GPHN: variants seen among roughly 807,000 people sequenced by gnomAD.
GPHN encodes gephyrin.
GPHN carries 17 observed loss-of-function variants against 95.5 expected under a neutral mutation model. The ratio of observed to expected loss-of-function variants is 0.18; its 90% CI spans 0.12 to 0.27. The LOEUF is 0.27. Among genes scored for constraint, GPHN ranks in the 10% least tolerant of loss-of-function variants. The probability of loss-of-function intolerance (pLI) is 1.00; values close to 1 mark genes in which losing one functional copy is unlikely to be tolerated. For synonymous variants in GPHN, 320 were observed against 322.5 expected (o/e 0.99, Z 0.08); for missense variants, 660 against 978.1 (o/e 0.67, Z 4.34).
At chr14:67,007,983 G>C (rs1233408474) in intron 9 of GPHN, among the ~76,000 whole-genome samples, 1 of 152,146 alleles carries the variant, frequency 6.6e-6, no homozygotes, top group East Asian at 1.9e-4. Flanking sequence ...CCCATTGTAA[G>C]TAGTTGCAGA....
chr14:66,548,132 C>T (rs892038010), intron 1 of GPHN, among the ~76,000 whole-genome samples: 1 of 147,910 alleles, frequency 6.8e-6, no homozygotes, highest in African/African-American at 2.5e-5. Flanking sequence ...ATTATCATAT[C>T]TGTTATGGTG....
At chr14:67,049,806 C>G (rs60003073) in intron 10 of GPHN, among the ~76,000 whole-genome samples, 2 of 152,262 alleles carry the variant, frequency 1.3e-5, no homozygotes, top group East Asian at 3.9e-4. Context: ...CCACCGCGCC[C>G]GGCTGAAGTA....
intron 11 of GPHN, among the ~76,000 whole-genome samples, chr14:67,087,913 A>G (rs118054806): frequency 0.012 from 1,835 of 151,982 alleles, 18 homozygotes; most frequent in Non-Finnish European, 0.018. Flanking sequence ...CTTTTTTTAA[A>G]TTAGCAATAA....
chr14:67,432,560 A>C, the GPHN span, among the ~76,000 whole-genome samples: 2 of 152,204 alleles, frequency 1.3e-5, no homozygotes, highest in Non-Finnish European at 2.9e-5. Flanking sequence ...CGTACCTTTA[A>C]AAGTCAGCAG....
At chr14:67,008,067 A>G (rs892950420) in intron 9 of GPHN, among the ~76,000 whole-genome samples, 2 of 152,196 alleles carry the variant, frequency 1.3e-5, no homozygotes, top group Non-Finnish European at 2.9e-5. Context: ...AGAGGGAATC[A>G]TACTATGTCA....
chr14:66,746,731 A>G (rs867651215), intron 2 of GPHN, among the ~76,000 whole-genome samples: 1 of 151,900 alleles, frequency 6.6e-6, no homozygotes, highest in African/African-American at 2.4e-5. Context: ...CGACATCCTC[A>G]CACCATTTAG....
At chr14:66,882,806 A>G (rs977224216) in intron 5 of GPHN, among the ~76,000 whole-genome samples, 4 of 151,008 alleles carry the variant, frequency 2.6e-5, no homozygotes. Flanking sequence ...CCTGAAGGAT[A>G]TTTTCACTAG....
intron 2 of GPHN, among the ~76,000 whole-genome samples, chr14:66,742,030 C>T (rs1448978928): frequency 6.6e-6 from 1 of 152,172 alleles, no homozygotes; most frequent in Admixed American, 6.5e-5. Context: ...CCAAGGGATA[C>T]ATGTCAAACG....
At chr14:66,613,137 T>G (rs2062854211) in intron 1 of GPHN, among the ~76,000 whole-genome samples, 1 of 152,100 alleles carries the variant, frequency 6.6e-6, no homozygotes, top group Non-Finnish European at 1.5e-5. Context: ...TAGGGTTAGG[T>G]TCTTGTGATC....
intron 9 of GPHN, among the ~76,000 whole-genome samples, chr14:67,000,045 G>A (rs1407246664): frequency 6.6e-6 from 1 of 151,746 alleles, no homozygotes; most frequent in Non-Finnish European, 1.5e-5. Context: ...ATTTCCTGTT[G>A]ACTAGACAGG....
At chr14:67,205,972 T>C in the GPHN span, among the ~76,000 whole-genome samples, 1 of 152,084 alleles carries the variant, frequency 6.6e-6, no homozygotes, top group Non-Finnish European at 1.5e-5. Flanking sequence ...TTGCTTGAGC[T>C]TGGGAGTTCG....
chr14:66,945,351 C>T (rs747212426), intron 8 of GPHN, among the ~76,000 whole-genome samples: 1 of 152,220 alleles, frequency 6.6e-6, no homozygotes, highest in Non-Finnish European at 1.5e-5. Flanking sequence ...CCACCCCATC[C>T]TCCCAGTGTG....
chr14:67,303,473 G>T, the GPHN span: 2 of 1,406,840 alleles, frequency 1.4e-6, no homozygotes, highest in South Asian at 2.3e-5. Context: ...ATCATGGAAT[G>T]ATTTTCATAA....
intron 17 of GPHN, among the ~76,000 whole-genome samples, chr14:67,126,284 A>G (rs2079310273): frequency 6.6e-6 from 1 of 152,212 alleles, no homozygotes; most frequent in South Asian, 2.1e-4. Flanking sequence ...TTAGTGGCAG[A>G]GATAAAAATG....
chr14:66,600,032 A>G (rs2140823212), intron 1 of GPHN, among the ~76,000 whole-genome samples: 1 of 152,190 alleles, frequency 6.6e-6, no homozygotes, highest in South Asian at 2.1e-4. Flanking sequence ...TTTTAATATT[A>G]GAAACCTTTG....
chr14:66,539,416 T>C (rs2059268293), intron 1 of GPHN, among the ~76,000 whole-genome samples: 2 of 145,444 alleles, frequency 1.4e-5, no homozygotes, highest in Admixed American at 1.4e-4. Flanking sequence ...TTTCTTTTTT[T>C]TTTTTTTTTT....
intron 2 of GPHN, among the ~76,000 whole-genome samples, chr14:66,707,420 C>T (rs1173722918): frequency 6.6e-6 from 1 of 152,146 alleles, no homozygotes; most frequent in Non-Finnish European, 1.5e-5. Context: ...ACCCAAATGC[C>T]CGTCAGTGAT....
chr14:67,380,325 GT>G, the GPHN span, among the ~76,000 whole-genome samples: 33 of 149,424 alleles, frequency 2.2e-4, no homozygotes, highest in Admixed American at 1.3e-3. Context: ...GTTTTTCCAT[GT>G]TTTTTTTTTC....
At chr14:67,284,346 G>A in the GPHN span, among the ~76,000 whole-genome samples, 1 of 149,468 alleles carries the variant, frequency 6.7e-6, no homozygotes, top group South Asian at 2.1e-4. Flanking sequence ...GCCCGTATTA[G>A]TAGCACCTTT....
Sources: gnomAD v4.1 joint callset for allele counts (sites outside exome capture counted in the v4.1 genomes callset) on GRCh38, gnomAD v4.1.1 for gene constraint, MANE v1.5 for transcripts, NCBI Gene and HGNC (gene_info 2026-07-23, HGNC 2026-07-21) for gene names.